MCM9: variants seen among roughly 807,000 people sequenced by gnomAD.
MCM9 encodes the protein minichromosome maintenance 9 homologous recombination repair factor.
MCM9 carries 55 observed loss-of-function variants against 72.8 expected under a neutral mutation model. The observed-to-expected ratio is 0.76, with a 90% CI of 0.61 to 0.95. MCM9 has a LOEUF of 0.95. Ranked by LOEUF, MCM9 falls within the 40% of genes least tolerant of loss-of-function variation. The pLI, the probability that MCM9 is intolerant of heterozygous loss-of-function variation, is 0.00. For missense variants in MCM9, 1,279 were observed against 1,377.0 expected (o/e 0.93, Z 1.13); for synonymous variants, 480 against 503.4 (o/e 0.95, Z 0.62).
chr6:118,847,896 T>C (rs936887719), intron 9 of MCM9, among the ~76,000 whole-genome samples: 3 of 152,046 alleles, frequency 2.0e-5, no homozygotes. Context: ...AATAGCAACA[T>C]AGAAAGCAAG....
chr6:118,925,148 T>G (rs1013704814), intron 3 of MCM9, among the ~76,000 whole-genome samples: 4 of 151,968 alleles, frequency 2.6e-5, no homozygotes, highest in Admixed American at 2.6e-4. Context: ...ATGTGGAAAT[T>G]CCCTTTTTCT....
intron 9 of MCM9, among the ~76,000 whole-genome samples, chr6:118,855,783 AC>A (rs1048916113): frequency 6.6e-6 from 1 of 151,894 alleles, no homozygotes; most frequent in Non-Finnish European, 1.5e-5. Context: ...GTTTCCTATA[AC>A]CATTTCAGTG....
intron 8 of MCM9, among the ~76,000 whole-genome samples, chr6:118,896,573 T>G (rs1779433406): frequency 6.6e-6 from 1 of 152,194 alleles, no homozygotes; most frequent in African/African-American, 2.4e-5. Flanking sequence ...ACAGTACTGG[T>G]GTCAAAAACA....
Position 118,859,213 on chromosome 6 carries a change from A to G in MCM9, c.1151-2668T>C, listed in dbSNP as rs532131493. On this transcript the variant is annotated intron_variant, in intron 8 of 13. Coordinates refer to ENST00000619706, the MANE Select transcript of MCM9 (RefSeq NM_017696.3). ...TGGAGTAACTGAATATCTTCATGCA[A>G]GAAGAAAAAATGAATCTTGATCATA... 2.6e-5 allele frequency among the ~76,000 whole-genome samples: 4 copies of G among 152,352 alleles called. No individual in the cohort carries two copies. The South Asian group carries it at 8.3e-4, about 32-fold the overall frequency.
chr6:118,895,045 A>T (rs1779279113), intron 8 of MCM9, among the ~76,000 whole-genome samples: 1 of 151,828 alleles, frequency 6.6e-6, no homozygotes, highest in Admixed American at 6.5e-5. Context: ...AAAGGCAGGC[A>T]GGCACTCTCG....
chr6:118,825,503 A>T lies in MCM9; in HGVS notation c.1961+644T>A, dbSNP rs183801141. Among the ~76,000 whole-genome samples the T allele has an allele frequency of 2.0e-5, 3 of 152,174 alleles. No individual in the cohort carries two copies. In the East Asian group the frequency reaches 5.8e-4, roughly 29 times the overall value. On this transcript the variant is annotated intron_variant, in intron 13 of 13. Transcript: ENST00000619706. ...CTTTTTCATGTACTTCATTCACCAG[A>T]CCCCGGCTTTGAGACCAACACCAGT...
At chr6:118,889,464 C>CTA (rs1778809632) in intron 8 of MCM9, among the ~76,000 whole-genome samples, 1 of 152,156 alleles carries the variant, frequency 6.6e-6, no homozygotes, top group African/African-American at 2.4e-5. Context: ...TGAGTCCTCT[C>CTA]TACCGATTAC....
At position 118,910,546 on chromosome 6, in the gene MCM9, G is replaced by A. The variant is rs987915766; in HGVS notation, c.1150+1104C>T. ...TACCAGTCATCCACTTAGATGGCTT[G>A]GACTCATTTCTTGACACTCTACATA... On this transcript the variant is annotated intron_variant, in intron 8 of 13. Coordinates refer to ENST00000619706, the MANE Select transcript of MCM9 (RefSeq NM_017696.3). 7.9e-6 allele frequency: 7 copies of A among 890,968 alleles called. No individual in the cohort carries two copies. The African/African-American group carries it at 1.3e-4, about 16-fold the overall frequency. The allele number at this position is 890,968 out of a possible 1,614,324, so 55.2% of individuals were successfully genotyped here. A position where few individuals can be genotyped will look rare whatever the true frequency, so the allele number is the denominator to read the frequency against.
intron 13 of MCM9, among the ~76,000 whole-genome samples, chr6:118,821,281 T>G (rs901212888): frequency 1.5e-4 from 23 of 152,294 alleles, no homozygotes; most frequent in African/African-American, 5.3e-4. Flanking sequence ...CTTTCCATAT[T>G]TAGTGCTTCC....
At chr6:118,923,193 A>T (rs1476535658) in intron 4 of MCM9, among the ~76,000 whole-genome samples, 1 of 152,154 alleles carries the variant, frequency 6.6e-6, no homozygotes, top group Non-Finnish European at 1.5e-5. Flanking sequence ...AATCAGGCTC[A>T]CTCTTACTTG....
Position 118,907,548 on chromosome 6 carries a change from A to G in MCM9, c.1150+4102T>C, listed in dbSNP as rs576955613. Reference sequence around the variant, plus strand: ...CAACAGATGCATTACCTTCAGCATCAAAGGGATGGTCCACATCAGAAAACT... The same window carrying G: ...CAACAGATGCATTACCTTCAGCATCGAAGGGATGGTCCACATCAGAAAACT... On this transcript the variant is annotated intron_variant, in intron 8 of 13. Transcript: ENST00000619706. 3.7e-6 allele frequency: 6 copies of G among 1,613,768 alleles called. No homozygotes were observed. In the Admixed American group the frequency reaches 1.0e-4, roughly 27 times the overall value.
chr6:118,856,423 T>C lies in MCM9; in HGVS notation c.1273A>G (p.Thr425Ala). The C allele has an allele frequency of 6.5e-7, 1 of 1,535,662 alleles. No individual in the cohort carries two copies. The highest frequency in any genetic ancestry group is 2.4e-5 in the East Asian group (1 of 40,920). ...EFNSLKEHDR[T>A]SIHEAMEQQT... ...TGCTCCATTGCTTCATGGATACTGGTCCTATCATGCTCTTTGAGGCTATTG... is the reference window on the plus strand; with the variant it reads ...TGCTCCATTGCTTCATGGATACTGGCCCTATCATGCTCTTTGAGGCTATTG... Residue 425 changes from threonine (T) to alanine (A), a missense_variant, in exon 9 of 14, where the codon ACC (threonine) becomes GCC (alanine). Transcript: ENST00000619706.
At chr6:118,889,749 T>C (rs1205161666) in intron 8 of MCM9, among the ~76,000 whole-genome samples, 2 of 152,100 alleles carry the variant, frequency 1.3e-5, no homozygotes, top group Non-Finnish European at 2.9e-5. Context: ...ACCAAGAAAC[T>C]GTCAATAAAT....
intron 9 of MCM9, among the ~76,000 whole-genome samples, chr6:118,843,904 T>C (rs1013099746): frequency 6.7e-6 from 1 of 148,562 alleles, no homozygotes; most frequent in Admixed American, 6.6e-5. Context: ...AAAGCAGACA[T>C]ATTCAAGAGT....
intron 3 of MCM9, among the ~76,000 whole-genome samples, chr6:118,925,641 A>G (rs1468073535): frequency 6.6e-6 from 1 of 151,834 alleles, no homozygotes; most frequent in Non-Finnish European, 1.5e-5. Context: ...TGCCCCTATG[A>G]CTCTTTTTTC....
intron 8 of MCM9, among the ~76,000 whole-genome samples, chr6:118,862,811 A>G (rs1169493942): frequency 6.6e-6 from 1 of 152,232 alleles, no homozygotes; most frequent in Non-Finnish European, 1.5e-5. Context: ...CTCCTCAGAA[A>G]CCATGCAAGC....
rs369432216 is a variant in MCM9 at position 118,931,405 on chromosome 6, C to T, written c.304+15G>A. The T allele has an allele frequency of 1.4e-5, 22 of 1,596,972 alleles. No individual in the cohort carries two copies. The highest frequency in any genetic ancestry group is 1.6e-5 in the Non-Finnish European group (19 of 1,167,852). ...CTAGAAGATAGCATGGCAGTAAAAT[C>T]CTTAAGTGATTTACCTGATATCCTG... is the stretch of plus-strand genomic sequence containing the variant. On this transcript the variant is annotated intron_variant, in intron 3 of 13. Transcript: ENST00000619706.
At chr6:118,919,935 T>G (rs1041874831) in intron 5 of MCM9, 1 of 152,228 alleles carries the variant, frequency 6.6e-6, no homozygotes, top group African/African-American at 2.4e-5. Flanking sequence ...GATTATATAC[T>G]ATTTGTCTTT....
chr6:118,887,961 G>T (rs1326294113), intron 8 of MCM9, among the ~76,000 whole-genome samples: 2 of 152,018 alleles, frequency 1.3e-5, no homozygotes, highest in Non-Finnish European at 2.9e-5. Context: ...TGAAGGGAGT[G>T]GTTAAGGATC....
Sources: allele counts gnomAD v4.1 joint callset (sites outside exome capture counted in the v4.1 genomes callset), GRCh38; gene constraint gnomAD v4.1.1; transcripts MANE v1.5; gene names NCBI Gene and HGNC (gene_info 2026-07-23, HGNC 2026-07-21).